Variants in SH2D4B observed in about 807,000 individuals in gnomAD.
SH2D4B encodes SH2 domain-containing protein 4B.
Under a neutral mutation model 61.5 loss-of-function variants are expected in SH2D4B, and 45 were observed. That is an observed-to-expected ratio of 0.73 (90% CI 0.58 to 0.94). SH2D4B has a LOEUF of 0.94. Ranked by LOEUF, SH2D4B falls within the 40% of genes least tolerant of loss-of-function variation. SH2D4B has a pLI of 0.00. For synonymous variants in SH2D4B, 224 were observed against 220.4 expected (o/e 1.02, Z -0.14); for missense variants, 572 against 574.2 (o/e 1.00, Z 0.04).
In SH2D4B at chr10:80,538,389, A is replaced by G. The variant is rs1382306312; in HGVS notation, c.58A>G (p.Ser20Gly). 1.4e-6 allele frequency: 2 copies of G among 1,441,146 alleles called. No individual in the cohort carries two copies. The highest frequency in any genetic ancestry group is 5.4e-5 in the East Asian group (2 of 37,062). The allele number at this position is 1,441,146 out of a possible 1,614,324, so 89.3% of individuals were successfully genotyped here. The change falls in exon 1 of 8, where the codon AGC (serine) becomes GGC (glycine). Residue 20 changes from serine (S) to glycine (G), a missense_variant. Physicochemically the swap from Ser to Gly is moderately conservative, Grantham distance 56. Coordinates refer to ENST00000646907, the MANE Select transcript of SH2D4B (RefSeq NM_001388272.1). This position sits in a 1 kb window ranked among gnomAD's most constrained non-coding sequence, Gnocchi z 4.8. ...CGACCCCGAGCTCCTTGCCGAGCTC[A>G]GCGATGTGCAGAAGCACATCCTCTT... Reference protein sequence around the residue: ...YIDPELLAELSDVQKHILFYK... With the variant: ...YIDPELLAELGDVQKHILFYK...
At chr10:80,556,526 A>G (rs1413439379) in intron 1 of SH2D4B, among the ~76,000 whole-genome samples, 1 of 152,198 alleles carries the variant, frequency 6.6e-6, no homozygotes, top group Non-Finnish European at 1.5e-5. Context: ...TGGCACATTA[A>G]CACTATTGAG....
chr10:80,580,814 T>C (rs576333561), intron 3 of SH2D4B, among the ~76,000 whole-genome samples: 22 of 152,214 alleles, frequency 1.4e-4, no homozygotes, highest in Admixed American at 1.2e-3. Context: ...AGAAGGGAGA[T>C]TGAATAAGCT....
chr10:80,629,332 A>G (rs35052296), intron 6 of SH2D4B, among the ~76,000 whole-genome samples: 14,135 of 152,296 alleles, frequency 0.093, 1,264 homozygotes, highest in African/African-American at 0.23. Context: ...GGCATCAAGG[A>G]GATGGTGCTA....
At chr10:80,584,886 T>C (rs1019870281) in intron 3 of SH2D4B, among the ~76,000 whole-genome samples, 2 of 152,232 alleles carry the variant, frequency 1.3e-5, no homozygotes, top group Non-Finnish European at 2.9e-5. Flanking sequence ...AATCAAGGAT[T>C]AGCAGCATTA....
intron 3 of SH2D4B, among the ~76,000 whole-genome samples, chr10:80,582,667 C>A (rs1842196043): frequency 6.6e-6 from 1 of 152,206 alleles, no homozygotes; most frequent in Non-Finnish European, 1.5e-5. Context: ...CTTACCTGGA[C>A]AACACCACCT....
chr10:80,639,449 C>A (rs1422626725), intron 7 of SH2D4B, among the ~76,000 whole-genome samples: 3 of 151,766 alleles, frequency 2.0e-5, no homozygotes, highest in Admixed American at 6.6e-5. Flanking sequence ...TAAGGACTTG[C>A]TTTATCTGGG....
chr10:80,628,840 A>C lies in SH2D4B; in HGVS notation c.989-5445A>C, dbSNP rs1184592277. ...CAGGAGTTTGACCACCACCAGCTTG[A>C]CCAACATGGTGAAAGCCCGTCTCTA... On this transcript the variant is annotated intron_variant, in intron 6 of 7. Coordinates refer to ENST00000646907, the MANE Select transcript of SH2D4B (RefSeq NM_001388272.1). Among the ~76,000 whole-genome samples the C allele has an allele frequency of 2.6e-5, 4 of 151,998 alleles. No individual in the cohort carries two copies. The South Asian group carries it at 6.2e-4, about 24-fold the overall frequency.
intron 4 of SH2D4B, among the ~76,000 whole-genome samples, chr10:80,591,044 TC>T (rs2132131802): frequency 6.6e-6 from 1 of 151,232 alleles, no homozygotes; most frequent in Non-Finnish European, 1.5e-5. Context: ...GTTTTCAAGG[TC>T]CATTCATGTT....
intron 3 of SH2D4B, among the ~76,000 whole-genome samples, chr10:80,577,417 C>G (rs1842138149): frequency 6.6e-6 from 1 of 150,858 alleles, no homozygotes; most frequent in African/African-American, 2.5e-5. Flanking sequence ...TGTTTTAGAC[C>G]ACTGAATTTT....
intron 7 of SH2D4B, among the ~76,000 whole-genome samples, chr10:80,641,090 A>T (rs192598940): frequency 5.9e-5 from 9 of 152,354 alleles, no homozygotes; most frequent in Admixed American, 2.0e-4. Flanking sequence ...GGTCCACTCC[A>T]GACCCTCTTT....
At chr10:80,586,572 T>C (rs1055055518) in intron 3 of SH2D4B, among the ~76,000 whole-genome samples, 5 of 152,026 alleles carry the variant, frequency 3.3e-5, no homozygotes, top group African/African-American at 1.2e-4. Context: ...TGGAGAACCT[T>C]TGTGTCTAGC....
At chr10:80,558,415 G>A (rs1841864565) in intron 1 of SH2D4B, among the ~76,000 whole-genome samples, 1 of 151,816 alleles carries the variant, frequency 6.6e-6, no homozygotes, top group Non-Finnish European at 1.5e-5. Flanking sequence ...AATCACCAGA[G>A]GAAACTTTTT....
chr10:80,540,828 G>A lies in SH2D4B; in HGVS notation c.184+2313G>A, dbSNP rs1027016207. On this transcript the variant is annotated intron_variant, in intron 1 of 7. Coordinates refer to ENST00000646907, the MANE Select transcript of SH2D4B (RefSeq NM_001388272.1). ...GGGTGAGGCTTGGTTCAAAGCAGCC[G>A]TGCCGTGTCCCAGGGCGGGAATTGT... is the stretch of plus-strand genomic sequence containing the variant. The A allele has an allele frequency of 2.0e-5, 31 of 1,550,226 alleles. No homozygotes were observed. In the Admixed American group the frequency reaches 2.7e-4, roughly 14 times the overall value.
chr10:80,579,218 T>A (rs1842161278), intron 3 of SH2D4B, among the ~76,000 whole-genome samples: 1 of 151,866 alleles, frequency 6.6e-6, no homozygotes, highest in African/African-American at 2.4e-5. Flanking sequence ...ATTCTCCAGG[T>A]CATGGAAAAG....
chr10:80,641,615 C>T (rs1305272977), intron 7 of SH2D4B, among the ~76,000 whole-genome samples: 1 of 152,242 alleles, frequency 6.6e-6, no homozygotes, highest in Non-Finnish European at 1.5e-5. Context: ...AAAGAATGTA[C>T]TTTTTCCACT....
rs1349503107 is a variant in SH2D4B, at chr10:80,634,387, A to T, written c.1091A>T (p.Tyr364Phe). The T allele has an allele frequency of 1.3e-6, 2 of 1,550,460 alleles. No individual in the cohort carries two copies. The highest frequency in any genetic ancestry group is 1.7e-6 in the Non-Finnish European group (2 of 1,147,000). Residue 364 changes from tyrosine (Y) to phenylalanine (F), a missense_variant, in exon 7 of 8, where the codon TAC becomes TTC. By Grantham distance (22) the Tyr-to-Phe change is conservative. Transcript: ENST00000646907. ...AAAATCTGGGGTTACACCCTCTCCTACCGCCTGCAGAAAGGGTTCAAACAC... is the reference window on the plus strand; with the variant it reads ...AAAATCTGGGGTTACACCCTCTCCTTCCGCCTGCAGAAAGGGTTCAAACAC... Reference protein sequence around the residue: ...SEKIWGYTLSYRLQKGFKHFL... With the variant: ...SEKIWGYTLSFRLQKGFKHFL...
chr10:80,644,529 C>G lies in SH2D4B; in HGVS notation c.*444C>G, dbSNP rs1166234189. On this transcript the variant is annotated 3_prime_UTR_variant, in exon 8 of 8. Coordinates refer to ENST00000646907, the MANE Select transcript of SH2D4B (RefSeq NM_001388272.1). ...AGCAGTGGTTTCTTGTAAATTATTT[C>G]CTACTCGCCACTCTATAAAATCATG... The G allele has an allele frequency of 6.5e-6, 1 of 153,732 alleles. No homozygotes were observed. The highest frequency in any genetic ancestry group is 1.4e-5 in the Non-Finnish European group (1 of 69,118). The allele number at this position is 153,732 out of a possible 1,614,324, so 9.5% of individuals were successfully genotyped here.
In SH2D4B at chr10:80,538,754, AGTT is replaced by A. The variant is rs1841540441; in HGVS notation, c.184+241_184+243del. Among the ~76,000 whole-genome samples, 1 of 152,016 alleles carries A rather than the reference AGTT, an allele frequency of 6.6e-6. No homozygotes were observed. Among genetic ancestry groups the A allele is most frequent in the Non-Finnish European group, 1.5e-5 (1 of 67,982 alleles). On this transcript the variant is annotated intron_variant, in intron 1 of 7. Transcript: ENST00000646907. The surrounding 1 kb of genome is among the most constrained non-coding windows in gnomAD (Gnocchi z 4.8). Reference sequence around the variant, plus strand: ...CCAGCGGCCCTTATTGGAGTCGGGGAGTTGGGACTTGCTTTGTCTTGTTGTGGA... The same window carrying A: ...CCAGCGGCCCTTATTGGAGTCGGGGAGGGACTTGCTTTGTCTTGTTGTGGA...
At chr10:80,546,711 T>G (rs1200525177) in intron 1 of SH2D4B, among the ~76,000 whole-genome samples, 4 of 151,932 alleles carry the variant, frequency 2.6e-5, no homozygotes, top group African/African-American at 9.7e-5. Flanking sequence ...GTATTTTTAG[T>G]AGAGACGGGG....
Sources: gnomAD v4.1 joint callset for allele counts (sites outside exome capture counted in the v4.1 genomes callset) on GRCh38, gnomAD v4.1.1 for gene constraint, Gnocchi (gnomAD v3.1) non-coding constraint, MANE v1.5 for transcripts, NCBI Gene and HGNC (gene_info 2026-07-23, HGNC 2026-07-21) for gene names.